Variants in RELN observed in about 807,000 individuals in gnomAD.
RELN encodes reelin.
RELN carries 108 observed loss-of-function variants against 427.6 expected under a neutral mutation model. The ratio of observed to expected loss-of-function variants is 0.25; its 90% CI spans 0.22 to 0.30. The LOEUF is 0.30. Among genes scored for constraint, RELN ranks in the 10% least tolerant of loss-of-function variants. The pLI, the probability that RELN is intolerant of heterozygous loss-of-function variation, is 1.00. For missense variants in RELN, 3,715 were observed against 4,302.8 expected (o/e 0.86, Z 3.82); for synonymous variants, 1,524 against 1,513.4 (o/e 1.01, Z -0.16).
chr7:103,654,746 T>C (rs973201817), intron 12 of RELN, among the ~76,000 whole-genome samples: 12 of 152,216 alleles, frequency 7.9e-5, no homozygotes, highest in African/African-American at 2.9e-4. Flanking sequence ...CCTCATTTGA[T>C]TGTTAGAAGG....
chr7:103,952,955 C>T (rs955531714), intron 1 of RELN, among the ~76,000 whole-genome samples: 1 of 152,098 alleles, frequency 6.6e-6, no homozygotes, highest in African/African-American at 2.4e-5. Flanking sequence ...AAAAGGTGTT[C>T]CCCTCTCTCC....
intron 27 of RELN, among the ~76,000 whole-genome samples, chr7:103,592,179 C>G (rs1022304135): frequency 2.0e-5 from 3 of 152,066 alleles, no homozygotes; most frequent in Admixed American, 6.6e-5. Context: ...TTTTGATCCT[C>G]TCCCTTCTCC....
intron 1 of RELN, among the ~76,000 whole-genome samples, chr7:103,922,357 A>G (rs1196708899): frequency 6.6e-6 from 1 of 152,184 alleles, no homozygotes; most frequent in Non-Finnish European, 1.5e-5. Flanking sequence ...ATATATACAT[A>G]TAAATGTATA....
chr7:103,681,297 T>C (rs1159587308), intron 11 of RELN, among the ~76,000 whole-genome samples: 1 of 152,146 alleles, frequency 6.6e-6, no homozygotes, highest in Non-Finnish European at 1.5e-5. Flanking sequence ...TTTGTTGAGA[T>C]CACAGTGACA....
chr7:103,666,443 A>G (rs1239175299), intron 11 of RELN, among the ~76,000 whole-genome samples: 1 of 152,158 alleles, frequency 6.6e-6, no homozygotes, highest in Non-Finnish European at 1.5e-5. Flanking sequence ...ACTTAGATTT[A>G]AAAAATCTTT....
At chr7:103,729,929 T>C (rs1359309940) in intron 6 of RELN, among the ~76,000 whole-genome samples, 1 of 151,940 alleles carries the variant, frequency 6.6e-6, no homozygotes, top group Non-Finnish European at 1.5e-5. Flanking sequence ...TTTTTTTCCA[T>C]AGAGACTGTA....
intron 1 of RELN, among the ~76,000 whole-genome samples, chr7:103,958,757 T>C (rs571945567): frequency 2.4e-4 from 37 of 152,044 alleles, no homozygotes; most frequent in African/African-American, 8.7e-4. Flanking sequence ...AGCTTCTTCA[T>C]TGCAAAACTA....
chr7:103,647,579 C>G lies in RELN; in HGVS notation c.2002+2695G>C, dbSNP rs146019573. Among the ~76,000 whole-genome samples, 83 of 151,342 alleles carry G rather than the reference C, an allele frequency of 5.5e-4. 1 individual carries two copies. Among genetic ancestry groups the G allele is most frequent in the African/African-American group, 1.9e-3 (77 of 41,346 alleles). On this transcript the variant is annotated intron_variant, in intron 16 of 64. Coordinates refer to ENST00000428762, the MANE Select transcript of RELN (RefSeq NM_005045.4). ...GGACAAAAACAAATGGAGAAACATC[C>G]TATACTCATGGATTAGAAGAACCAA...
At chr7:103,788,487 A>G (rs1792076615) in intron 3 of RELN, among the ~76,000 whole-genome samples, 1 of 152,244 alleles carries the variant, frequency 6.6e-6, no homozygotes, top group South Asian at 2.1e-4. Context: ...CAACTTCAGC[A>G]AAGTCTCAGG....
chr7:103,476,720 C>A, intron 64 of RELN: 2 of 415,704 alleles, frequency 4.8e-6, no homozygotes, highest in Non-Finnish European at 9.9e-6. Context: ...AGTTATTGTA[C>A]CTTCTAAAAT....
At chr7:103,625,716 GA>G (rs1832314747) in intron 20 of RELN, among the ~76,000 whole-genome samples, 1 of 148,184 alleles carries the variant, frequency 6.7e-6, no homozygotes, top group Non-Finnish European at 1.5e-5. Context: ...AATTAAAAAA[GA>G]TAACATGCAA....
At position 103,729,773 on chromosome 7, in the gene RELN, C is replaced by A. The variant is rs1790306441; in HGVS notation, c.657-1566G>T. Among the ~76,000 whole-genome samples the A allele has an allele frequency of 1.3e-5, 2 of 152,032 alleles. 1 individual carries two copies. Among genetic ancestry groups the A allele is most frequent in the Middle Eastern group, 6.4e-3 (2 of 314 alleles). On this transcript the variant is annotated intron_variant, in intron 6 of 64. Coordinates refer to ENST00000428762, the MANE Select transcript of RELN (RefSeq NM_005045.4). The stretch of plus-strand genomic sequence containing the variant: ...ATATAAGACAACTTCATAAATATAA[C>A]CATTTTAAAGGTCTGAGGTCTAAAG...
intron 46 of RELN, among the ~76,000 whole-genome samples, chr7:103,533,721 A>G (rs891064183): frequency 1.1e-4 from 16 of 151,758 alleles, no homozygotes; most frequent in African/African-American, 3.4e-4. Flanking sequence ...TGTACAAGAG[A>G]CAATTAAAAG....
chr7:103,609,167 G>A (rs903256850), intron 22 of RELN, among the ~76,000 whole-genome samples: 212 of 148,650 alleles, frequency 1.4e-3, no homozygotes, highest in African/African-American at 5.0e-3. Context: ...AGGCTGCAAT[G>A]AGCCAAGGTC....
rs141807166 is a variant in RELN, at chr7:103,750,661, CT to C, written c.578-1158del. On this transcript the variant is annotated intron_variant, in intron 5 of 64. Transcript: ENST00000428762. ...AACCCATTTTTTCTTCTCTTTCCCA[CT>C]ATCCTTCTTGCCCTGGCTTGCTTTC... is the stretch of plus-strand genomic sequence containing the variant. Among the ~76,000 whole-genome samples the C allele has an allele frequency of 7.1e-3, 1,074 of 152,272 alleles. 17 individuals are homozygous for C. Among genetic ancestry groups the C allele is most frequent in the African/African-American group, 0.025 (1,026 of 41,552 alleles).
intron 3 of RELN, among the ~76,000 whole-genome samples, chr7:103,800,297 T>C (rs1230078146): frequency 1.3e-5 from 2 of 152,204 alleles, no homozygotes; most frequent in Non-Finnish European, 2.9e-5. Context: ...AGTCTCAGGA[T>C]ACAAAATCAA....
intron 11 of RELN, among the ~76,000 whole-genome samples, chr7:103,679,308 G>T (rs2115680064): frequency 6.6e-6 from 1 of 152,326 alleles, no homozygotes; most frequent in Non-Finnish European, 1.5e-5. Flanking sequence ...ATGACAACAT[G>T]AATGAAGTAA....
chr7:103,718,369 A>C (rs1430318404), intron 8 of RELN, among the ~76,000 whole-genome samples: 3 of 152,098 alleles, frequency 2.0e-5, no homozygotes, highest in Non-Finnish European at 4.4e-5. Flanking sequence ...ACGTACAAAA[A>C]TAAAACCCGA....
chr7:103,958,657 G>C (rs1023832513), intron 1 of RELN, among the ~76,000 whole-genome samples: 2 of 152,120 alleles, frequency 1.3e-5, no homozygotes, highest in African/African-American at 4.8e-5. Context: ...GGAGAGGGTA[G>C]AAACAGTACC....
Sources: allele counts gnomAD v4.1 joint callset (sites outside exome capture counted in the v4.1 genomes callset), GRCh38; gene constraint gnomAD v4.1.1; transcripts MANE v1.5; gene names NCBI Gene and HGNC (gene_info 2026-07-23, HGNC 2026-07-21).